The following TRIM34 variants were observed in gnomAD, a reference collection of about 807,000 sequenced individuals.
TRIM34 encodes the protein tripartite motif containing 34.
A neutral mutation model predicts 38.1 loss-of-function variants in TRIM34; 41 were observed. The ratio of observed to expected loss-of-function variants is 1.08; its 90% CI spans 0.84 to 1.40. The LOEUF is 1.40. TRIM34 is among the 40% of genes most tolerant of loss of function. The probability of loss-of-function intolerance (pLI) is 0.00; values close to 1 mark genes in which losing one functional copy is unlikely to be tolerated. For missense variants in TRIM34, 556 were observed against 571.4 expected (o/e 0.97, Z 0.27); for synonymous variants, 200 against 202.5 (o/e 0.99, Z 0.10).
At chr11:5,637,722 C>T (rs1849807122) in intron 4 of TRIM34, among the ~76,000 whole-genome samples, 1 of 152,134 alleles carries the variant, frequency 6.6e-6, no homozygotes. Flanking sequence ...AAACTGTACC[C>T]ATTAAAAAAC....
chr11:5,624,993 C>T (rs902699491), upstream of TRIM34: 1 of 152,210 alleles, frequency 6.6e-6, no homozygotes, highest in Non-Finnish European at 1.5e-5. Context: ...TGAATGAATC[C>T]TGACCACACC....
At chr11:5,628,626 G>A (rs16933760) in intron 1 of TRIM34, among the ~76,000 whole-genome samples, 7,566 of 152,196 alleles carry the variant, frequency 0.05, 543 homozygotes, top group African/African-American at 0.17. Context: ...CCAAGCGTGG[G>A]AAAGATTCCT....
At chr11:5,641,002 A>AT (rs1202236884) in intron 4 of TRIM34, among the ~76,000 whole-genome samples, 165 bp from the exon 5 acceptor site, 1 of 148,780 alleles carries the variant, frequency 6.7e-6, no homozygotes, top group Non-Finnish European at 1.5e-5. Context: ...TTCATTCCTG[A>AT]TTTTTTTTCT....
chr11:5,622,367 C>T (rs995952341), upstream of TRIM34, among the ~76,000 whole-genome samples: 12 of 151,870 alleles, frequency 7.9e-5, no homozygotes, highest in Non-Finnish European at 2.9e-5. Flanking sequence ...ATGGCGTGAA[C>T]CCGGCAGGCG....
chr11:5,643,499 C>T lies in TRIM34; in HGVS notation c.1257C>T (p.Pro419=), dbSNP rs142937651. ...TTGAAGAGTCTTTGTCCTCTGATCC[C>T]GAGGTTTTGACTCTCTCCATGGCTG... The part of the protein sequence containing the change: ...GVFEESLSSD[P]EVLTLSMAVP... Residue 419 remains proline, a synonymous_variant, in exon 8 of 8, where the codon CCC becomes CCT. Transcript: ENST00000429814. 30 of 1,614,106 alleles carry T rather than the reference C, an allele frequency of 1.9e-5. No homozygotes were observed. The highest frequency in any genetic ancestry group is 9.9e-5 in the South Asian group (9 of 91,088).
In TRIM34 at chr11:5,634,712, G is replaced by C. The variant is rs181128979; in HGVS notation, c.601G>C (p.Glu201Gln). ...RSILNNEEQR[E>Q]LQRLEEEEKK... ...CATCCTAAATAATGAGGAGCAGAGA[G>C]AGCTGCAAAGATTGGAAGAAGAAGA... The change falls in exon 4 of 8, where the codon GAG becomes CAG. Residue 201 changes from glutamate (E) to glutamine (Q), a missense_variant. Transcript: ENST00000429814. 22 of 1,614,094 alleles carry C rather than the reference G, an allele frequency of 1.4e-5. No homozygotes were observed. In the Admixed American group the frequency reaches 3.5e-4, roughly 26 times the overall value.
upstream of TRIM34, among the ~76,000 whole-genome samples, chr11:5,622,458 AG>A (rs1250114607): frequency 1.4e-5 from 2 of 145,208 alleles, no homozygotes; most frequent in African/African-American, 5.1e-5. Flanking sequence ...AAAAAAAAAA[AG>A]AAAAAAAGAA....
chr11:5,633,883 A>G lies in TRIM34; in HGVS notation c.503A>G (p.Glu168Gly). 6.2e-7 allele frequency: 1 copy of G among 1,614,068 alleles called. No homozygotes were observed. The highest frequency in any genetic ancestry group is 8.5e-7 in the Non-Finnish European group (1 of 1,179,978). The stretch of plus-strand genomic sequence containing the variant: ...AAGCTGGAAGCTGACATCAGAGAAG[A>G]GAAAACTTCCTGGAAGGCAAGAGGA... The part of the protein sequence containing the change: ...AEKLEADIRE[E>G]KTSWKYQVQT... Residue 168 changes from glutamate (E) to glycine (G), a missense_variant, in exon 3 of 8, where the codon GAG becomes GGG. By Grantham distance (98) the Glu-to-Gly change is moderately conservative. Transcript: ENST00000429814.
chr11:5,632,356 G>C lies in TRIM34; in HGVS notation c.25G>C (p.Val9Leu), dbSNP rs772770208. 1.9e-6 allele frequency: 3 copies of C among 1,614,056 alleles called. No homozygotes were observed. The highest frequency in any genetic ancestry group is 2.5e-6 in the Non-Finnish European group (3 of 1,180,018). Residue 9 changes from valine (V) to leucine (L), a missense_variant, in exon 2 of 8, where the codon GTA becomes CTA. Coordinates refer to ENST00000429814, the MANE Select transcript of TRIM34 (RefSeq NM_021616.6). MASKILLN[V>L]QEEVTCPICL... ...AATGGCTTCAAAAATCTTGCTTAACGTACAAGAGGAGGTGACCTGTCCCAT... is the reference window on the plus strand; with the variant it reads ...AATGGCTTCAAAAATCTTGCTTAACCTACAAGAGGAGGTGACCTGTCCCAT...
At chr11:5,638,714 G>C (rs774700873) in intron 4 of TRIM34, among the ~76,000 whole-genome samples, 2 of 152,182 alleles carry the variant, frequency 1.3e-5, no homozygotes, top group Non-Finnish European at 2.9e-5. Context: ...TTATGTTTTA[G>C]ATATTCTTAG....
At chr11:5,626,254 A>G (rs373763030) in intron 1 of TRIM34, among the ~76,000 whole-genome samples, 2 of 152,234 alleles carry the variant, frequency 1.3e-5, no homozygotes, top group South Asian at 2.1e-4. Context: ...TTAACATTCA[A>G]TAAATATGAA....
chr11:5,628,253 C>G (rs1261570066), intron 1 of TRIM34, among the ~76,000 whole-genome samples: 1 of 152,232 alleles, frequency 6.6e-6, no homozygotes, highest in East Asian at 1.9e-4. Context: ...TCTCCTGGAG[C>G]CCCCCGGTAT....
chr11:5,643,597 A>G lies in TRIM34; in HGVS notation c.1355A>G (p.His452Arg). 1 of 1,614,122 alleles carries G rather than the reference A, an allele frequency of 6.2e-7. No individual in the cohort carries two copies. The highest frequency in any genetic ancestry group is 1.7e-5 in the Admixed American group (1 of 60,020). ...GIVSFFNVTS[H>R]GSLIYKFSKC... ...GTCTCATTTTTCAATGTCACAAGCC[A>G]TGGCTCCCTCATTTACAAGTTCTCT... The change falls in exon 8 of 8, where the codon CAT becomes CGT. Residue 452 changes from histidine (H) to arginine (R), a missense_variant. Transcript: ENST00000429814.
At chr11:5,625,179 G>C (rs935584314) in intron 1 of TRIM34, 119 bp downstream of exon 1, 1 of 152,234 alleles carries the variant, frequency 6.6e-6, no homozygotes, top group Non-Finnish European at 1.5e-5. Flanking sequence ...GGGAGCAAAG[G>C]CTAGCTTGCA....
In TRIM34 at chr11:5,643,125, A is replaced by AT. The variant is rs745849246; in HGVS notation, c.902-8dup. On this transcript the variant is annotated intron_variant, in intron 7 of 7. Transcript: ENST00000429814. ...ATTATATTCATATACATATATATAT[A>AT]TTTTTTTTTTTCTTGCAGTGGATGT... The AT allele has an allele frequency of 1.6e-3, 1,517 of 973,754 alleles. 13 individuals are homozygous for AT. In the African/African-American group the frequency reaches 0.02, roughly 13 times the overall value. The allele number at this position is 973,754 out of a possible 1,614,324, so 60.3% of individuals were successfully genotyped here. A position where few individuals can be genotyped will look rare whatever the true frequency, so the allele number is the denominator to read the frequency against.
At chr11:5,634,547 ATT>A in intron 3 of TRIM34, 82 bp from the exon 4 acceptor site, 7 of 965,710 alleles carry the variant, frequency 7.2e-6, no homozygotes, top group Admixed American at 3.0e-5. Context: ...ATATATATAT[ATT>A]TCCCTACTGG....
At chr11:5,643,047 A>G in intron 7 of TRIM34, 97 bp from the exon 8 acceptor site, 1 of 1,292,232 alleles carries the variant, frequency 7.7e-7, no homozygotes, top group Non-Finnish European at 1.0e-6. Flanking sequence ...TCACCATGTC[A>G]CTAGATAAAC....
intron 4 of TRIM34, among the ~76,000 whole-genome samples, chr11:5,639,964 C>CA (rs1849933678): frequency 1.3e-5 from 2 of 152,086 alleles, no homozygotes; most frequent in East Asian, 1.9e-4. Context: ...AAGCATTTAT[C>CA]ATTTGTTTGT....
chr11:5,636,459 C>T (rs931076395), intron 4 of TRIM34, among the ~76,000 whole-genome samples: 10 of 152,126 alleles, frequency 6.6e-5, no homozygotes, highest in African/African-American at 2.4e-4. Context: ...TGCACTACAT[C>T]GTGAATATTT....
Sources: allele counts gnomAD v4.1 joint callset (sites outside exome capture counted in the v4.1 genomes callset), GRCh38; gene constraint gnomAD v4.1.1; transcripts MANE v1.5; gene names NCBI Gene and HGNC (gene_info 2026-07-23, HGNC 2026-07-21).